ITSN1: variants seen among roughly 807,000 people sequenced by gnomAD.
ITSN1 encodes the protein intersectin 1.
Under a neutral mutation model 239.8 loss-of-function variants are expected in ITSN1, and 58 were observed. The ratio of observed to expected loss-of-function variants is 0.24; its 90% CI spans 0.20 to 0.30. The LOEUF is 0.30. Ranked by LOEUF, ITSN1 falls within the 10% of genes least tolerant of loss-of-function variation. The pLI is 1.00. For missense variants in ITSN1, 1,558 were observed against 2,103.3 expected, an observed-to-expected ratio of 0.74 and a Z score of 5.07; for synonymous variants, 780 against 770.8, an observed-to-expected ratio of 1.01 and a Z score of -0.20.
At chr21:33,881,841 G>T (rs937348751) in intron 34 of ITSN1, among the ~76,000 whole-genome samples, 1 of 151,690 alleles carries the variant, frequency 6.6e-6, no homozygotes, top group Admixed American at 6.6e-5. Context: ...ACATGTGTTG[G>T]GGGGCTGAGA....
intron 1 of ITSN1, among the ~76,000 whole-genome samples, chr21:33,699,298 CA>C: frequency 1.3e-5 from 2 of 152,128 alleles, no homozygotes. Flanking sequence ...AACTTTAAAA[CA>C]AATTTTTAAA....
chr21:33,843,010 G>A (rs2074876739), intron 29 of ITSN1, among the ~76,000 whole-genome samples: 1 of 152,168 alleles, frequency 6.6e-6, no homozygotes, highest in African/African-American at 2.4e-5. Flanking sequence ...CACCCAGAAA[G>A]TGAGGAAAGG....
chr21:33,782,957 G>A (rs1027232842), intron 16 of ITSN1, among the ~76,000 whole-genome samples: 9 of 152,174 alleles, frequency 5.9e-5, no homozygotes, highest in Non-Finnish European at 1.0e-4. Flanking sequence ...CCCAGGAGGC[G>A]GAGCTTGCAG....
intron 14 of ITSN1, among the ~76,000 whole-genome samples, chr21:33,777,232 T>C (rs1250717700): frequency 1.3e-5 from 2 of 152,178 alleles, no homozygotes; most frequent in African/African-American, 4.8e-5. Flanking sequence ...AACACTGGCT[T>C]TTTTCCCATT....
intron 1 of ITSN1, among the ~76,000 whole-genome samples, chr21:33,663,824 C>G (rs2089734950): frequency 6.6e-6 from 1 of 152,192 alleles, no homozygotes. Flanking sequence ...TGGTCTCGAA[C>G]TCCTGACGTC....
In ITSN1 at chr21:33,897,807, A is replaced by G. The variant is rs753606208; in HGVS notation, c.*9507A>G. 6.6e-6 allele frequency: 1 copy of G among 152,238 alleles called. No homozygotes were observed. The highest frequency in any genetic ancestry group is 1.5e-5 in the Non-Finnish European group (1 of 68,044). 9.4% of individuals were successfully genotyped at this position (152,238 alleles called of 1,614,324 possible). A position where few individuals can be genotyped will look rare whatever the true frequency, so the allele number is the denominator to read the frequency against. The stretch of plus-strand genomic sequence containing the variant: ...AGAAAAAAATTTAAAACCTATTCCA[A>G]GAGTAGAAAATGCTTAATGAGATTA... On this transcript the variant is annotated 3_prime_UTR_variant, in exon 40 of 40. Coordinates refer to ENST00000381318, the MANE Select transcript of ITSN1 (RefSeq NM_003024.3).
At chr21:33,800,640 A>G (rs1358788308) in intron 19 of ITSN1, among the ~76,000 whole-genome samples, 1 of 152,162 alleles carries the variant, frequency 6.6e-6, no homozygotes, top group Non-Finnish European at 1.5e-5. Context: ...TCATTTTATG[A>G]TGTGACTAAA....
intron 1 of ITSN1, among the ~76,000 whole-genome samples, chr21:33,711,187 CA>C (rs1440051497): frequency 6.6e-6 from 1 of 152,168 alleles, no homozygotes; most frequent in African/African-American, 2.4e-5. Flanking sequence ...CTTTTATCTA[CA>C]CTGTCAAATT....
At chr21:33,708,781 A>G (rs2092327361) in intron 1 of ITSN1, among the ~76,000 whole-genome samples, 2 of 152,206 alleles carry the variant, frequency 1.3e-5, no homozygotes, top group Admixed American at 6.5e-5. Flanking sequence ...AGATTTTTAT[A>G]TGAAGCATAT....
At chr21:33,788,043 G>A (rs1448420366) in intron 16 of ITSN1, among the ~76,000 whole-genome samples, 1 of 152,074 alleles carries the variant, frequency 6.6e-6, no homozygotes, top group African/African-American at 2.4e-5. Context: ...TTTGGGAAAG[G>A]GTTAAGAAGA....
chr21:33,763,219 G>GC (rs2068478996), intron 9 of ITSN1, among the ~76,000 whole-genome samples: 1 of 34,296 alleles, frequency 2.9e-5, no homozygotes, highest in African/African-American at 1.1e-4. Flanking sequence ...CCCCCAGGCC[G>GC]CCCCCCAACC....
At chr21:33,746,156 C>T (rs932600031) in intron 5 of ITSN1, among the ~76,000 whole-genome samples, 3 of 152,008 alleles carry the variant, frequency 2.0e-5, no homozygotes, top group Non-Finnish European at 2.9e-5. Context: ...AGGGGCTGCA[C>T]AACAAGGGAA....
At chr21:33,814,126 A>G (rs575307375) in intron 22 of ITSN1, 54 bp downstream of exon 22, 8 of 1,564,132 alleles carry the variant, frequency 5.1e-6, no homozygotes. Flanking sequence ...AGTGCCAAAA[A>G]CTTCAGCAAA....
intron 1 of ITSN1, among the ~76,000 whole-genome samples, chr21:33,685,660 G>C (rs188533640): frequency 2.2e-4 from 32 of 145,064 alleles, no homozygotes; most frequent in African/African-American, 7.9e-4. Context: ...TAGTACTCAA[G>C]ATCAGCAAGT....
chr21:33,705,724 C>T (rs974007991), intron 1 of ITSN1, among the ~76,000 whole-genome samples: 1 of 152,022 alleles, frequency 6.6e-6, no homozygotes, highest in Non-Finnish European at 1.5e-5. Context: ...CTCTTTTTAA[C>T]ATTTGAAAAT....
At chr21:33,841,969 C>A (rs1191159559) in intron 29 of ITSN1, among the ~76,000 whole-genome samples, 1 of 149,138 alleles carries the variant, frequency 6.7e-6, no homozygotes, top group Non-Finnish European at 1.5e-5. Flanking sequence ...ACGGTTCACC[C>A]AGGTTGGAGT....
At chr21:33,848,757 GC>G (rs1026567426) in intron 29 of ITSN1, among the ~76,000 whole-genome samples, 2 of 152,222 alleles carry the variant, frequency 1.3e-5, no homozygotes, top group South Asian at 2.1e-4. Context: ...CTCTGCACCT[GC>G]CCCCAGGGCT....
intron 6 of ITSN1, 140 bp from the exon 7 acceptor site, chr21:33,751,670 A>G: frequency 1.5e-6 from 1 of 646,082 alleles, no homozygotes; most frequent in Non-Finnish European, 2.7e-6. Flanking sequence ...AAGGAGGGAA[A>G]AGCTCTTTTC....
Position 33,895,532 on chromosome 21 carries a change from TGTCTAC to T in ITSN1, c.*7235_*7240del, listed in dbSNP as rs1986686392. The T allele has an allele frequency of 7.4e-6, 1 of 135,404 alleles. No homozygotes were observed. 8.4% of individuals were successfully genotyped at this position (135,404 alleles called of 1,614,324 possible). ...GCGTGTTTGTGTGTGCATGTGTGTG[TGTCTAC>T]GTGTGTGTGCACGCATGTGTGTGCG... On this transcript the variant is annotated 3_prime_UTR_variant, in exon 40 of 40. Coordinates refer to ENST00000381318, the MANE Select transcript of ITSN1 (RefSeq NM_003024.3).
Sources: allele counts gnomAD v4.1 joint callset (sites outside exome capture counted in the v4.1 genomes callset), GRCh38; gene constraint gnomAD v4.1.1; transcripts MANE v1.5; gene names NCBI Gene and HGNC (gene_info 2026-07-23, HGNC 2026-07-21).